The following TRPM2 variants were observed in gnomAD, a reference collection of about 807,000 sequenced individuals.
TRPM2 encodes the protein transient receptor potential cation channel subfamily M member 2.
In TRPM2, 161 loss-of-function variants were observed where a neutral mutation model predicts 174.0. The ratio of observed to expected loss-of-function variants is 0.93; its 90% CI spans 0.81 to 1.05. The LOEUF (loss-of-function observed/expected upper bound fraction) is 1.05, where lower values mean the gene tolerates loss of function less well. Among genes scored for constraint, TRPM2 ranks in the 50% least tolerant of loss-of-function variants. The pLI is 0.00. For missense variants in TRPM2, 2,057 were observed against 2,038.0 expected (o/e 1.01, Z -0.18); for synonymous variants, 954 against 861.3 (o/e 1.11, Z -1.88).
At chr21:44,351,675 G>C (rs1302243570), upstream of TRPM2, among the ~76,000 whole-genome samples, 4 of 152,326 alleles carry the variant, frequency 2.6e-5, no homozygotes, top group East Asian at 7.7e-4. Context: ...TGGGTTTTCA[G>C]GGTTCTGCAC....
Position 44,439,105 on chromosome 21 carries a change from G to A in TRPM2, c.4206G>A (p.Leu1402=). 1 of 1,613,734 alleles carries A rather than the reference G, an allele frequency of 6.2e-7. No homozygotes were observed. The change falls in exon 30 of 32, where the codon CTG becomes CTA. Residue 1402 remains leucine (L), a synonymous_variant. Coordinates refer to ENST00000397928, the MANE Select transcript of TRPM2 (RefSeq NM_003307.4). The surrounding 1 kb of genome is among the most constrained non-coding windows in gnomAD (Gnocchi z 5.1). The part of the protein sequence containing the change: ...REPGEMLPRK[L]KRILRQEHWP... ...CAGGGGAGATGCTACCTCGGAAGCT[G>A]AAGCGGATCCTCCGGCAGGAGCACT... is the stretch of plus-strand genomic sequence containing the variant.
chr21:44,359,357 C>G (rs1238284429), intron 2 of TRPM2, among the ~76,000 whole-genome samples: 1 of 152,102 alleles, frequency 6.6e-6, no homozygotes, highest in African/African-American at 2.4e-5. Context: ...CTCGCAAGAT[C>G]CCTGCAAGTC....
rs1156767954 is a variant in TRPM2 at position 44,399,254 on chromosome 21, T to C, written c.2063-42T>C. Reference sequence around the variant, plus strand: ...TGACCCGTCCCCAGGGCTCAGTGATTGTGACCTGCTGCTCTGACGGGGCTC... The same window carrying C: ...TGACCCGTCCCCAGGGCTCAGTGATCGTGACCTGCTGCTCTGACGGGGCTC... On this transcript the variant is annotated intron_variant, in intron 13 of 31. Transcript: ENST00000397928. This position sits in a 1 kb window ranked among gnomAD's most constrained non-coding sequence, Gnocchi z 4.6. 6.3e-7 allele frequency: 1 copy of C among 1,588,530 alleles called. No homozygotes were observed. Among genetic ancestry groups the C allele is most frequent in the Admixed American group, 1.7e-5 (1 of 58,520 alleles).
At chr21:44,363,471 C>A (rs150751108) in intron 2 of TRPM2, among the ~76,000 whole-genome samples, 1 of 148,216 alleles carries the variant, frequency 6.7e-6, no homozygotes, top group African/African-American at 2.4e-5. Context: ...TTAGGTCCAT[C>A]CTTTGAGTTT....
At chr21:44,392,557 C>T (rs2049215927) in intron 11 of TRPM2, among the ~76,000 whole-genome samples, 1 of 152,054 alleles carries the variant, frequency 6.6e-6, no homozygotes, top group South Asian at 2.1e-4. Context: ...TGAGCCTCCG[C>T]ACCTGGCCTC....
intron 2 of TRPM2, among the ~76,000 whole-genome samples, chr21:44,359,730 T>TAC (rs1569011932): frequency 1.4e-5 from 2 of 147,278 alleles, no homozygotes; most frequent in African/African-American, 2.6e-5. Context: ...TGTATATATA[T>TAC]ACACATATAT....
intron 9 of TRPM2, among the ~76,000 whole-genome samples, chr21:44,385,207 A>T (rs1432125414): frequency 2.0e-5 from 3 of 152,206 alleles, no homozygotes; most frequent in East Asian, 3.8e-4. Context: ...ACATTTGACA[A>T]AATTTGACAC....
chr21:44,391,071 T>C lies in TRPM2; in HGVS notation c.1440+46T>C. The C allele has an allele frequency of 6.2e-7, 1 of 1,611,094 alleles. No homozygotes were observed. ...CGTGGAGGGGCCTACTGGGCCCACA[T>C]GCATTGCACCACTGAAGCAAGGGCA... On this transcript the variant is annotated intron_variant, in intron 10 of 31. Transcript: ENST00000397928. This position sits in a 1 kb window ranked among gnomAD's most constrained non-coding sequence, Gnocchi z 5.0.
chr21:44,401,705 C>T lies in TRPM2; in HGVS notation c.2346C>T (p.Gly782=). Residue 782 remains glycine, a synonymous_variant, in exon 16 of 32, where the codon GGC becomes GGT. Coordinates refer to ENST00000397928, the MANE Select transcript of TRPM2 (RefSeq NM_003307.4). ...GGGAGAAGAGGCTGCAGGATGTGGG[C>T]ACCCCCGCGGCCCGCGCCCGTGCCT... ...SFREKRLQDV[G]TPAARARAFF... is the part of the protein sequence containing the mutation. 3 of 1,613,034 alleles carry T rather than the reference C, an allele frequency of 1.9e-6. No individual in the cohort carries two copies. Among genetic ancestry groups the T allele is most frequent in the Non-Finnish European group, 2.5e-6 (3 of 1,179,874 alleles).
At chr21:44,351,360 TC>T, upstream of TRPM2, among the ~76,000 whole-genome samples, 1 of 152,300 alleles carries the variant, frequency 6.6e-6, no homozygotes, top group East Asian at 1.9e-4. Context: ...CAACCCACAC[TC>T]CCTGGGGCTC....
Position 44,442,016 on chromosome 21 carries a change from G to A in TRPM2, c.*199G>A, listed in dbSNP as rs1050278443. ...AACTGGAAGGGGTCAAGGTGACCCGGGAGGAGAGCTCAAGACAGGGCACAG... is the reference window on the plus strand; with the variant it reads ...AACTGGAAGGGGTCAAGGTGACCCGAGAGGAGAGCTCAAGACAGGGCACAG... On this transcript the variant is annotated 3_prime_UTR_variant, in exon 32 of 32. Transcript: ENST00000397928. The A allele has an allele frequency of 2.6e-6, 2 of 784,230 alleles. No homozygotes were observed. Among genetic ancestry groups the A allele is most frequent in the Non-Finnish European group, 3.6e-6 (2 of 553,020 alleles). 48.6% of individuals were successfully genotyped at this position (784,230 alleles called of 1,614,324 possible).
At position 44,426,805 on chromosome 21, in the gene TRPM2, G is replaced by A; in HGVS notation, c.3872+69G>A. The A allele has an allele frequency of 5.7e-6, 9 of 1,583,312 alleles. No homozygotes were observed. In the South Asian group the frequency reaches 1.0e-4, roughly 18 times the overall value. On this transcript the variant is annotated intron_variant, in intron 26 of 31. Coordinates refer to ENST00000397928, the MANE Select transcript of TRPM2 (RefSeq NM_003307.4). ...CAGGGCCTCCTAGGGGCTCCCTTGA[G>A]AATCCCAGTCAGAGCCCAGCCCGGG... is the stretch of plus-strand genomic sequence containing the variant.
intron 7 of TRPM2, 51 bp downstream of exon 7, chr21:44,377,824 G>C: frequency 1.3e-6 from 2 of 1,599,892 alleles, no homozygotes; most frequent in Non-Finnish European, 1.7e-6. Context: ...CCTGCTGCAG[G>C]CAGATGACTG....
At chr21:44,380,570 T>C (rs1258449233) in intron 8 of TRPM2, among the ~76,000 whole-genome samples, 1 of 152,242 alleles carries the variant, frequency 6.6e-6, no homozygotes, top group Non-Finnish European at 1.5e-5. Flanking sequence ...CCGTCAGGCC[T>C]CAGCAGGGGC....
At position 44,437,254 on chromosome 21, in the gene TRPM2, CCAGCCCCCTG is replaced by C. The variant is rs113722965; in HGVS notation, c.4167+105_4167+114del. ...ATCCATTCTGCCCACGGACTGGACA[CCAGCCCCCTG>C]CAGCCCCCTGCAGCCCCTGGGCAGG... On this transcript the variant is annotated intron_variant, in intron 29 of 31. Transcript: ENST00000397928. 10,213 of 1,301,510 alleles carry C rather than the reference CCAGCCCCCTG, an allele frequency of 7.8e-3. 283 individuals are homozygous for C. The African/African-American group carries it at 0.081, about 10-fold the overall frequency. The allele number at this position is 1,301,510 out of a possible 1,614,324, so 80.6% of individuals were successfully genotyped here. A position where few individuals can be genotyped will look rare whatever the true frequency, so the allele number is the denominator to read the frequency against.
rs762386651 is a variant in TRPM2, at chr21:44,391,495, G to T, written c.1664G>T (p.Arg555Leu). The change falls in exon 11 of 32, where the codon CGC becomes CTC. Residue 555 changes from arginine (R) to leucine (L), a missense_variant. Coordinates refer to ENST00000397928, the MANE Select transcript of TRPM2 (RefSeq NM_003307.4). The surrounding 1 kb of genome is among the most constrained non-coding windows in gnomAD (Gnocchi z 5.0). ...CCGGCTTGCGCGCCCGCGGCGCCCC[G>T]CCTGCAGATGCACCACGTGGCCCAG... is the stretch of plus-strand genomic sequence containing the variant. The part of the protein sequence containing the change: ...ERPACAPAAP[R>L]LQMHHVAQVL... 5 of 1,610,702 alleles carry T rather than the reference G, an allele frequency of 3.1e-6. No homozygotes were observed. In the Admixed American group the frequency reaches 8.3e-5, roughly 27 times the overall value.
intron 22 of TRPM2, among the ~76,000 whole-genome samples, chr21:44,421,960 C>T (rs950713173): frequency 6.6e-6 from 1 of 152,198 alleles, no homozygotes; most frequent in African/African-American, 2.4e-5. Context: ...CAAGATGAGC[C>T]TGCAGAACGT....
rs539171285 is a variant in TRPM2, at chr21:44,438,949, C to T, written c.4168-118C>T. 6.7e-4 allele frequency: 484 copies of T among 725,918 alleles called. 2 individuals are homozygous for T. The highest frequency in any genetic ancestry group is 3.1e-4 in the Non-Finnish European group (139 of 442,610). The allele number at this position is 725,918 out of a possible 1,614,324, so 45.0% of individuals were successfully genotyped here. ...AGCCTGAGATGCCGCCTGCCTGTGG[C>T]TCCCAGGGCTGGGCCGCTGCCCACG... On this transcript the variant is annotated intron_variant, in intron 29 of 31. Coordinates refer to ENST00000397928, the MANE Select transcript of TRPM2 (RefSeq NM_003307.4). This position sits in a 1 kb window ranked among gnomAD's most constrained non-coding sequence, Gnocchi z 5.9.
Position 44,426,682 on chromosome 21 carries a change from C to T in TRPM2, c.3818C>T (p.Pro1273Leu), listed in dbSNP as rs774309408. The T allele has an allele frequency of 1.9e-6, 3 of 1,614,080 alleles. No homozygotes were observed. Among genetic ancestry groups the T allele is most frequent in the Non-Finnish European group, 2.5e-6 (3 of 1,180,038 alleles). ...CAGACGGAGTTCCTGATCTATGACC[C>T]ACCCTTTTACACGGCAGAGAGGAAG... ...PWETEFLIYD[P>L]PFYTAERKDA... Residue 1273 changes from proline (P) to leucine (L), a missense_variant, in exon 26 of 32, where the codon CCA becomes CTA. By Grantham distance (98) the Pro-to-Leu change is moderately conservative (BLOSUM62 -3). Coordinates refer to ENST00000397928, the MANE Select transcript of TRPM2 (RefSeq NM_003307.4).
Sources: gnomAD v4.1 joint callset for allele counts (sites outside exome capture counted in the v4.1 genomes callset) on GRCh38, gnomAD v4.1.1 for gene constraint, Gnocchi (gnomAD v3.1) non-coding constraint, MANE v1.5 for transcripts, NCBI Gene and HGNC (gene_info 2026-07-23, HGNC 2026-07-21) for gene names.